APBB2: variants seen among roughly 807,000 people sequenced by gnomAD.
APBB2 encodes the protein amyloid beta precursor protein binding family B member 2, also known as Fe65-like 1.
In APBB2, 38 loss-of-function variants were observed where a neutral mutation model predicts 82.5. The ratio of observed to expected loss-of-function variants is 0.46; its 90% CI spans 0.36 to 0.60. The LOEUF is 0.60. APBB2 is among the 20% of genes least tolerant of loss of function. The pLI is 0.00. For missense variants in APBB2, 772 were observed against 972.3 expected (o/e 0.79, Z 2.74); for synonymous variants, 341 against 368.2 (o/e 0.93, Z 0.85).
chr4:40,983,945 T>C (rs1799763234), intron 6 of APBB2, among the ~76,000 whole-genome samples: 1 of 152,174 alleles, frequency 6.6e-6, no homozygotes, highest in Non-Finnish European at 1.5e-5. Flanking sequence ...AATTTGTAAT[T>C]GCAAAACTGC....
In APBB2 at chr4:41,084,519, A is replaced by G. The variant is rs1284849210; in HGVS notation, c.-149+16120T>C. 4 of 152,372 alleles carry G rather than the reference A, an allele frequency of 2.6e-5. No homozygotes were observed. The East Asian group carries it at 7.7e-4, about 29-fold the overall frequency. 9.4% of individuals were successfully genotyped at this position (152,372 alleles called of 1,614,324 possible). A position where few individuals can be genotyped will look rare whatever the true frequency, so the allele number is the denominator to read the frequency against. ...AATAAAATACACAAGACATTGCACT[A>G]CAGAGGACAAGTGTTCATCATGCCC... On this transcript the variant is annotated intron_variant, in intron 3 of 17. Transcript: ENST00000508593.
At chr4:41,101,470 CAAAAAAAAAAAAAA>C (rs150527764) in intron 2 of APBB2, among the ~76,000 whole-genome samples, 22 of 72,516 alleles carry the variant, frequency 3.0e-4, no homozygotes, top group Admixed American at 4.3e-4. Context: ...GACTCCGTCT[CAAAAAAAAAAAAAA>C]AAAAAAAAAA....
intron 12 of APBB2, among the ~76,000 whole-genome samples, chr4:40,848,590 C>T (rs1758352622): frequency 6.6e-6 from 1 of 152,164 alleles, no homozygotes; most frequent in Non-Finnish European, 1.5e-5. Flanking sequence ...TTGGTTCCAC[C>T]ACTGCTGGAG....
chr4:40,824,881 G>A (rs926419958), intron 15 of APBB2, among the ~76,000 whole-genome samples: 2 of 152,090 alleles, frequency 1.3e-5, no homozygotes, highest in Non-Finnish European at 2.9e-5. Context: ...CCACTCCCCA[G>A]ACCCCTAGAC....
At chr4:41,055,531 C>A (rs1354345494) in intron 4 of APBB2, among the ~76,000 whole-genome samples, 3 of 152,312 alleles carry the variant, frequency 2.0e-5, no homozygotes, top group Non-Finnish European at 4.4e-5. Flanking sequence ...TTTCGTGTGG[C>A]CACCAAATGA....
intron 10 of APBB2, among the ~76,000 whole-genome samples, chr4:40,894,948 C>T (rs537684727): frequency 2.0e-5 from 3 of 152,326 alleles, no homozygotes; most frequent in Non-Finnish European, 4.4e-5. Context: ...CAGAGGCCAC[C>T]TTCCCCAGAT....
At chr4:40,881,530 TTTTC>T (rs1353711041) in intron 12 of APBB2, 39 of 208,010 alleles carry the variant, frequency 1.9e-4, no homozygotes, top group East Asian at 7.2e-4. Context: ...TTTCTTTTCT[TTTTC>T]TTTTTTTTTT....
chr4:41,144,113 G>A (rs749509348), intron 1 of APBB2, among the ~76,000 whole-genome samples: 3 of 152,336 alleles, frequency 2.0e-5, no homozygotes, highest in Middle Eastern at 3.4e-3. Flanking sequence ...CAGTTATGAC[G>A]ACATCTGTAT....
Position 41,014,274 on chromosome 4 carries a change from C to A in APBB2, c.144G>T (p.Leu48=). The A allele has an allele frequency of 6.2e-7, 1 of 1,614,126 alleles. No individual in the cohort carries two copies. Among genetic ancestry groups the A allele is most frequent in the Non-Finnish European group, 8.5e-7 (1 of 1,180,032 alleles). ...TLNLRSSHNE[L]LNAEIKHTET... ...CTGTGTGTTTTATTTCAGCGTTCAA[C>A]AGTTCATTGTGGGAGGATCGGAGGT... is the stretch of plus-strand genomic sequence containing the variant. The change falls in exon 6 of 18, where the codon CTG becomes CTT. Residue 48 remains leucine (L), a synonymous_variant. Transcript: ENST00000508593.
At chr4:41,109,512 C>G (rs1289874274) in intron 2 of APBB2, among the ~76,000 whole-genome samples, 2 of 152,076 alleles carry the variant, frequency 1.3e-5, no homozygotes, top group African/African-American at 4.8e-5. Flanking sequence ...GCTCTGTCAC[C>G]CAGGCTGGAG....
chr4:40,887,456 G>A (rs1026236383), intron 12 of APBB2, among the ~76,000 whole-genome samples: 3 of 151,990 alleles, frequency 2.0e-5, no homozygotes, highest in Non-Finnish European at 4.4e-5. Flanking sequence ...CTTCTTTTTC[G>A]CAAGCAAAAA....
intron 4 of APBB2, among the ~76,000 whole-genome samples, chr4:41,045,354 C>T (rs1319071684): frequency 6.6e-6 from 1 of 151,972 alleles, no homozygotes; most frequent in Non-Finnish European, 1.5e-5. Context: ...AGTGCAGTGG[C>T]GTGATCTCGG....
intron 6 of APBB2, among the ~76,000 whole-genome samples, chr4:40,990,706 T>C (rs993993407): frequency 1.3e-5 from 2 of 152,156 alleles, no homozygotes; most frequent in African/African-American, 2.4e-5. Context: ...TCCAAGTGTG[T>C]CCATATGAGC....
In APBB2 at chr4:40,863,891, C is replaced by CAAAAAAAAAAA. The variant is rs60135616; in HGVS notation, c.1529+26462_1529+26472dup. Among the ~76,000 whole-genome samples, 4 of 33,000 alleles carry CAAAAAAAAAAA rather than the reference C, an allele frequency of 1.2e-4. 1 individual carries two copies. Among genetic ancestry groups the CAAAAAAAAAAA allele is most frequent in the Non-Finnish European group, 2.2e-4 (4 of 18,252 alleles). 21.6% of individuals were successfully genotyped at this position (33,000 alleles called of 152,430 possible). On this transcript the variant is annotated intron_variant, in intron 12 of 17. Transcript: ENST00000508593. Reference sequence around the variant, plus strand: ...CCTGGGTGACAGAGGGAGACTGTCTCAAAAAAAAAAAAAAAAAAAAAAAAA... The same window carrying CAAAAAAAAAAA: ...CCTGGGTGACAGAGGGAGACTGTCTCAAAAAAAAAAAAAAAAAAAAAAAAAAAAAAAAAAAA...
At chr4:41,195,859 C>A in intron 1 of APBB2, among the ~76,000 whole-genome samples, 14 of 152,154 alleles carry the variant, frequency 9.2e-5, no homozygotes, top group East Asian at 7.7e-4. Context: ...GTCCTCTCCT[C>A]GATTTAAAAA....
chr4:40,985,500 C>G (rs1261839486), intron 6 of APBB2, among the ~76,000 whole-genome samples: 1 of 152,080 alleles, frequency 6.6e-6, no homozygotes, highest in Non-Finnish European at 1.5e-5. Context: ...AGCACAGGGC[C>G]AATTGTGGGG....
At chr4:41,038,904 A>C (rs924809192) in intron 4 of APBB2, among the ~76,000 whole-genome samples, 1 of 152,250 alleles carries the variant, frequency 6.6e-6, no homozygotes, top group Admixed American at 6.5e-5. Flanking sequence ...CTATGTGTAG[A>C]ACCATTGTTA....
intron 7 of APBB2, among the ~76,000 whole-genome samples, chr4:40,940,617 G>T (rs1389831777): frequency 6.6e-6 from 1 of 152,102 alleles, no homozygotes; most frequent in Non-Finnish European, 1.5e-5. Context: ...CACCCTCCTG[G>T]GGGGGTTAGG....
intron 1 of APBB2, among the ~76,000 whole-genome samples, chr4:41,179,232 A>T (rs138457408): frequency 1.4e-4 from 21 of 152,358 alleles, no homozygotes; most frequent in African/African-American, 4.8e-4. Context: ...TCTCAAAGAG[A>T]ACAACAATGT....
Sources: allele counts gnomAD v4.1 joint callset (sites outside exome capture counted in the v4.1 genomes callset), GRCh38; gene constraint gnomAD v4.1.1; transcripts MANE v1.5; gene names NCBI Gene and HGNC (gene_info 2026-07-23, HGNC 2026-07-21).